Variants in SPAG16 observed in about 807,000 individuals in gnomAD.
SPAG16 encodes the protein sperm-associated antigen 16 protein.
In SPAG16, 86 loss-of-function variants were observed where a neutral mutation model predicts 80.4. The observed-to-expected ratio is 1.07, with a 90% confidence interval of 0.90 to 1.28. The LOEUF (loss-of-function observed/expected upper bound fraction) is 1.28. Ranked by LOEUF, SPAG16 falls within the 50% of genes most tolerant of loss-of-function variation. The pLI is 0.00. For missense variants in SPAG16, 870 were observed against 765.3 expected (o/e 1.14, Z -1.61); for synonymous variants, 294 against 265.9 (o/e 1.11, Z -1.03).
rs2074170555 is a variant in SPAG16, at chr2:213,490,003, T to C, written c.983T>C (p.Leu328Pro). Residue 328 changes from leucine to proline, a missense_variant, in exon 10 of 16, where the codon CTG becomes CCG. By Grantham distance (98) the Leu-to-Pro change is moderately conservative. Coordinates refer to ENST00000331683, the MANE Select transcript of SPAG16 (RefSeq NM_024532.5). ...ATAGATATGCAACCAAATCCAAACCTGAATGTTTCTAAAGAAAGTCTTTCT... is the reference window on the plus strand; with the variant it reads ...ATAGATATGCAACCAAATCCAAACCCGAATGTTTCTAAAGAAAGTCTTTCT... ...FPIDMQPNPN[L>P]NVSKESLSPA... 1 of 1,610,136 alleles carries C rather than the reference T, an allele frequency of 6.2e-7. No homozygotes were observed. The highest frequency in any genetic ancestry group is 2.2e-5 in the East Asian group (1 of 44,570).
chr2:213,389,922 A>G (rs76459684), intron 9 of SPAG16, among the ~76,000 whole-genome samples: 2,265 of 152,270 alleles, frequency 0.015, 28 homozygotes, highest in South Asian at 0.038. Context: ...TGTTAAAAAG[A>G]TATTTTACAC....
intron 7 of SPAG16, among the ~76,000 whole-genome samples, chr2:213,353,826 G>A (rs904394156): frequency 5.3e-5 from 8 of 152,050 alleles, no homozygotes; most frequent in Non-Finnish European, 8.8e-5. Context: ...TTGCACAGGG[G>A]AATTTTTAAT....
At chr2:213,626,115 C>T (rs1439557471) in intron 10 of SPAG16, among the ~76,000 whole-genome samples, 1 of 152,006 alleles carries the variant, frequency 6.6e-6, no homozygotes, top group Non-Finnish European at 1.5e-5. Flanking sequence ...TCATATGGAA[C>T]ATTTTGTGAG....
chr2:213,907,561 A>T (rs943637072), intron 11 of SPAG16, among the ~76,000 whole-genome samples: 1 of 152,212 alleles, frequency 6.6e-6, no homozygotes, highest in African/African-American at 2.4e-5. Context: ...TAAAAGCAGT[A>T]TATCAAAGTG....
At chr2:213,800,312 TTCCC>T (rs71397194) in intron 10 of SPAG16, among the ~76,000 whole-genome samples, 24 of 142,576 alleles carry the variant, frequency 1.7e-4, no homozygotes, top group African/African-American at 3.5e-4. Flanking sequence ...CCCTTTCTCC[TTCCC>T]TCCCTCCCTC....
chr2:214,231,775 G>T (rs2125802577), intron 15 of SPAG16, among the ~76,000 whole-genome samples: 1 of 152,112 alleles, frequency 6.6e-6, no homozygotes, highest in African/African-American at 2.4e-5. Flanking sequence ...GGGGACCATT[G>T]TCTGTTTTCT....
intron 10 of SPAG16, among the ~76,000 whole-genome samples, chr2:213,547,243 T>C (rs528611610): frequency 5.9e-5 from 9 of 152,182 alleles, no homozygotes; most frequent in African/African-American, 2.2e-4. Flanking sequence ...CTTGAAATAA[T>C]ATAATAGAAA....
intron 10 of SPAG16, among the ~76,000 whole-genome samples, chr2:213,676,054 T>C (rs952753139): frequency 6.6e-6 from 1 of 152,170 alleles, no homozygotes; most frequent in African/African-American, 2.4e-5. Flanking sequence ...TATCCTCTTT[T>C]ATTTCACTGA....
chr2:213,503,907 C>G (rs963375932), intron 10 of SPAG16, among the ~76,000 whole-genome samples: 1 of 152,178 alleles, frequency 6.6e-6, no homozygotes, highest in African/African-American at 2.4e-5. Context: ...AGCCAGCAAA[C>G]TGAGAACATA....
rs73988589 is a variant in SPAG16, at chr2:213,691,234, T to G, written c.1071-171251T>G. On this transcript the variant is annotated intron_variant, in intron 10 of 15. Transcript: ENST00000331683. ...CCTCAATAAACCTTGTGTAACCCTT[T>G]CCTCTTGAATCTGGGCTAGCCCTGA... Among the ~76,000 whole-genome samples, 396 of 152,262 alleles carry G rather than the reference T, an allele frequency of 2.6e-3. 4 individuals carry two copies. Among genetic ancestry groups the G allele is most frequent in the African/African-American group, 8.8e-3 (364 of 41,536 alleles).
At chr2:213,447,995 G>A (rs1437892805) in intron 9 of SPAG16, among the ~76,000 whole-genome samples, 1 of 152,198 alleles carries the variant, frequency 6.6e-6, no homozygotes, top group African/African-American at 2.4e-5. Flanking sequence ...CCTAATTACA[G>A]TCACGGCACT....
intron 10 of SPAG16, among the ~76,000 whole-genome samples, chr2:213,823,171 C>T (rs1464886732): frequency 6.6e-6 from 1 of 152,166 alleles, no homozygotes; most frequent in Non-Finnish European, 1.5e-5. Flanking sequence ...AATGGTTGAA[C>T]TAATTTACAT....
rs150469446 is a variant in SPAG16, at chr2:213,927,451, G to A, written c.1215-2509G>A. The stretch of plus-strand genomic sequence containing the variant: ...TTGATTTCTCTCAGCCCTCAGAAAT[G>A]GCCTTTATTTTTTCATGAACCAAAG... On this transcript the variant is annotated intron_variant, in intron 11 of 15. Transcript: ENST00000331683. Among the ~76,000 whole-genome samples the A allele has an allele frequency of 8.1e-3, 1,239 of 152,070 alleles. 9 individuals are homozygous for A. Among genetic ancestry groups the A allele is most frequent in the Non-Finnish European group, 0.012 (831 of 67,976 alleles).
At chr2:213,632,763 G>A (rs866797822) in intron 10 of SPAG16, among the ~76,000 whole-genome samples, 2 of 152,106 alleles carry the variant, frequency 1.3e-5, no homozygotes, top group Non-Finnish European at 2.9e-5. Context: ...TTGATATGAT[G>A]TATTACATTG....
intron 14 of SPAG16, among the ~76,000 whole-genome samples, chr2:214,139,958 C>T (rs545161857): frequency 9.2e-5 from 14 of 152,320 alleles, no homozygotes; most frequent in African/African-American, 3.1e-4. Flanking sequence ...CCACCTATGA[C>T]TTATAAGGCT....
At chr2:213,953,976 T>C (rs2043988174) in intron 12 of SPAG16, among the ~76,000 whole-genome samples, 2 of 152,032 alleles carry the variant, frequency 1.3e-5, no homozygotes, top group Non-Finnish European at 2.9e-5. Flanking sequence ...TGGATATAGA[T>C]AGATATAAAT....
At chr2:214,355,966 T>TG (rs1698766998) in intron 15 of SPAG16, among the ~76,000 whole-genome samples, 3 of 129,880 alleles carry the variant, frequency 2.3e-5, no homozygotes, top group African/African-American at 6.0e-5. Context: ...AGGTGGGAAT[T>TG]AACAATGAGA....
intron 7 of SPAG16, among the ~76,000 whole-genome samples, chr2:213,358,902 A>T (rs1317955237): frequency 6.6e-6 from 1 of 151,978 alleles, no homozygotes; most frequent in African/African-American, 2.4e-5. Flanking sequence ...GGTTTTATCT[A>T]CCTTTGGTGT....
chr2:213,623,068 C>T (rs894036545), intron 10 of SPAG16, among the ~76,000 whole-genome samples: 1 of 152,064 alleles, frequency 6.6e-6, no homozygotes, highest in Non-Finnish European at 1.5e-5. Context: ...CCTCCATTTG[C>T]TAGGTGTAGA....
Sources: gnomAD v4.1 joint callset for allele counts (sites outside exome capture counted in the v4.1 genomes callset) on GRCh38, gnomAD v4.1.1 for gene constraint, MANE v1.5 for transcripts, NCBI Gene and HGNC (gene_info 2026-07-23, HGNC 2026-07-21) for gene names.